The following SLC39A11 variants were observed in gnomAD, a reference collection of about 807,000 sequenced individuals.
The protein encoded by SLC39A11 is zinc transporter ZIP11.
SLC39A11 carries 33 observed loss-of-function variants against 36.1 expected under a neutral mutation model. That is an observed-to-expected ratio of 0.91 (90% CI 0.69 to 1.22). The LOEUF (loss-of-function observed/expected upper bound fraction) is 1.22, where lower values mean the gene tolerates loss of function less well. Among genes scored for constraint, SLC39A11 ranks in the 50% most tolerant of loss-of-function variants. The probability of loss-of-function intolerance (pLI) is 0.00; values close to 1 mark genes in which losing one functional copy is unlikely to be tolerated. For missense variants in SLC39A11, 432 were observed against 430.3 expected (o/e 1.00, Z -0.03); for synonymous variants, 166 against 170.3 (o/e 0.97, Z 0.20).
intron 6 of SLC39A11, among the ~76,000 whole-genome samples, chr17:72,790,291 CACAA>C (rs1191702889): frequency 6.6e-6 from 1 of 152,110 alleles, no homozygotes; most frequent in Non-Finnish European, 1.5e-5. Flanking sequence ...CCTGGTTGCC[CACAA>C]ACAAACATGT....
At chr17:72,805,570 C>T (rs767217288) in intron 6 of SLC39A11, among the ~76,000 whole-genome samples, 4 of 152,106 alleles carry the variant, frequency 2.6e-5, no homozygotes, top group African/African-American at 7.2e-5. Flanking sequence ...CGCTCCTTCC[C>T]GCCCTGGATC....
chr17:72,685,549 G>C (rs1004959608), intron 7 of SLC39A11, among the ~76,000 whole-genome samples: 2 of 137,474 alleles, frequency 1.5e-5, no homozygotes, highest in East Asian at 2.1e-4. Flanking sequence ...GCCCCAAAAG[G>C]ATTCATCTCA....
At chr17:72,970,565 C>CA (rs72453160) in intron 4 of SLC39A11, among the ~76,000 whole-genome samples, 7,623 of 151,368 alleles carry the variant, frequency 0.05, 632 homozygotes, top group African/African-American at 0.17. Context: ...AAGCTACACA[C>CA]ACAAAAAAAA....
At chr17:72,751,068 A>C (rs200210370) in intron 6 of SLC39A11, among the ~76,000 whole-genome samples, 1 of 152,152 alleles carries the variant, frequency 6.6e-6, no homozygotes, top group East Asian at 1.9e-4. Flanking sequence ...CCAACATGGC[A>C]AAAACCCCGC....
At chr17:72,861,751 TA>T in intron 5 of SLC39A11, among the ~76,000 whole-genome samples, 1 of 30,640 alleles carries the variant, frequency 3.3e-5, no homozygotes, top group Admixed American at 3.0e-4. Context: ...TATATATATA[TA>T]TATATATATA....
At chr17:73,085,915 G>A (rs1477617292) in intron 2 of SLC39A11, among the ~76,000 whole-genome samples, 1 of 152,170 alleles carries the variant, frequency 6.6e-6, no homozygotes, top group Admixed American at 6.5e-5. Context: ...CCATAATGGC[G>A]ATGGGAACGC....
chr17:72,949,978 C>G (rs1187576125), intron 4 of SLC39A11, among the ~76,000 whole-genome samples: 1 of 150,292 alleles, frequency 6.7e-6, no homozygotes, highest in Non-Finnish European at 1.5e-5. Flanking sequence ...CACACACACA[C>G]ACACACACAC....
At chr17:72,651,214 C>A (rs2069837009) in intron 7 of SLC39A11, among the ~76,000 whole-genome samples, 1 of 152,130 alleles carries the variant, frequency 6.6e-6, no homozygotes. Context: ...TACAATGAGC[C>A]CCTCAGCATC....
At chr17:73,050,726 A>G (rs2143886129) in intron 3 of SLC39A11, among the ~76,000 whole-genome samples, 1 of 152,196 alleles carries the variant, frequency 6.6e-6, no homozygotes, top group East Asian at 1.9e-4. Flanking sequence ...CGGCCTCCCA[A>G]AGTGCTGGGA....
At chr17:73,054,409 T>C (rs2059605629) in intron 3 of SLC39A11, among the ~76,000 whole-genome samples, 1 of 151,958 alleles carries the variant, frequency 6.6e-6, no homozygotes, top group African/African-American at 2.4e-5. Flanking sequence ...ACGCCACATT[T>C]ATTCAACATT....
chr17:72,755,448 G>A (rs1228762410), intron 6 of SLC39A11, among the ~76,000 whole-genome samples: 1 of 152,210 alleles, frequency 6.6e-6, no homozygotes, highest in Non-Finnish European at 1.5e-5. Flanking sequence ...CCAATGCCAG[G>A]GGAGTTGGGA....
intron 5 of SLC39A11, among the ~76,000 whole-genome samples, chr17:72,882,736 T>C (rs1270687394): frequency 6.6e-6 from 1 of 152,072 alleles, no homozygotes; most frequent in East Asian, 1.9e-4. Flanking sequence ...TTCAGCAGTA[T>C]TGGGTCAACT....
At chr17:72,649,002 C>G in intron 8 of SLC39A11, 41 bp from the exon 9 acceptor site, 5 of 1,589,532 alleles carry the variant, frequency 3.1e-6, no homozygotes, top group Non-Finnish European at 4.3e-6. Context: ...CAGGGGGAGG[C>G]AAGCAGACAC....
chr17:72,698,415 T>G (rs970224093), intron 7 of SLC39A11, among the ~76,000 whole-genome samples: 13 of 150,812 alleles, frequency 8.6e-5, no homozygotes, highest in African/African-American at 3.2e-4. Context: ...TATTATGGTA[T>G]TCTCCTATTT....
At chr17:72,999,528 G>A (rs2089699003) in intron 4 of SLC39A11, among the ~76,000 whole-genome samples, 1 of 152,140 alleles carries the variant, frequency 6.6e-6, no homozygotes, top group Non-Finnish European at 1.5e-5. Context: ...ATCACCAAGG[G>A]TTTATTGAGC....
At chr17:72,703,847 GC>G (rs2072765116) in intron 7 of SLC39A11, among the ~76,000 whole-genome samples, 1 of 152,232 alleles carries the variant, frequency 6.6e-6, no homozygotes, top group Non-Finnish European at 1.5e-5. Context: ...CAAACTGTTG[GC>G]CGGGGGTGGT....
chr17:72,755,957 G>A (rs530378299), intron 6 of SLC39A11, among the ~76,000 whole-genome samples: 6 of 152,310 alleles, frequency 3.9e-5, no homozygotes, highest in African/African-American at 2.4e-5. Flanking sequence ...AAAGGTTGAC[G>A]CTGTTCCAAT....
chr17:72,720,406 G>C (rs1046712137), intron 7 of SLC39A11, among the ~76,000 whole-genome samples: 4 of 151,988 alleles, frequency 2.6e-5, no homozygotes, highest in African/African-American at 9.7e-5. Flanking sequence ...CCTGGGCTCC[G>C]AGTAGCCAGG....
chr17:72,820,866 A>G (rs1403078241), intron 6 of SLC39A11, among the ~76,000 whole-genome samples: 2 of 151,226 alleles, frequency 1.3e-5, no homozygotes, highest in Non-Finnish European at 3.0e-5. Context: ...AGCAAGTCAG[A>G]GCACAGGGTC....
Sources: allele counts gnomAD v4.1 joint callset (sites outside exome capture counted in the v4.1 genomes callset), GRCh38; gene constraint gnomAD v4.1.1; transcripts MANE v1.5; gene names NCBI Gene and HGNC (gene_info 2026-07-23, HGNC 2026-07-21).